Variants in SGCZ observed in about 807,000 individuals in gnomAD.
SGCZ encodes sarcoglycan zeta.
A neutral mutation model predicts 41.3 loss-of-function variants in SGCZ; 40 were observed. The ratio of observed to expected loss-of-function variants is 0.97; its 90% CI spans 0.75 to 1.26. SGCZ has a LOEUF of 1.26. Among genes scored for constraint, SGCZ ranks in the 50% most tolerant of loss-of-function variants. The probability of loss-of-function intolerance (pLI) is 0.00; values close to 1 mark genes in which losing one functional copy is unlikely to be tolerated. For synonymous variants in SGCZ, 206 were observed against 137.5 expected (o/e 1.50, Z -3.49); for missense variants, 552 against 369.8 (o/e 1.49, Z -4.04).
At chr8:14,672,060 G>C (rs766107559) in intron 1 of SGCZ, among the ~76,000 whole-genome samples, 1 of 152,064 alleles carries the variant, frequency 6.6e-6, no homozygotes, top group Non-Finnish European at 1.5e-5. Flanking sequence ...AAGTTATTAG[G>C]ACTCATTTCA....
At chr8:14,111,768 G>A (rs1412996954) in intron 5 of SGCZ, among the ~76,000 whole-genome samples, 1 of 152,164 alleles carries the variant, frequency 6.6e-6, no homozygotes, top group Non-Finnish European at 1.5e-5. Flanking sequence ...CTGCAGGAAA[G>A]AATAAGGATG....
chr8:14,860,039 C>T (rs923762273), intron 1 of SGCZ, among the ~76,000 whole-genome samples: 1 of 152,050 alleles, frequency 6.6e-6, no homozygotes, highest in African/African-American at 2.4e-5. Flanking sequence ...ATCAAGGAAT[C>T]AGCGTTCCCA....
chr8:15,168,713 G>A (rs899573991), intron 1 of SGCZ, among the ~76,000 whole-genome samples: 11 of 152,070 alleles, frequency 7.2e-5, no homozygotes, highest in Admixed American at 2.0e-4. Flanking sequence ...TGAACCCCTG[G>A]GACTCCTTTG....
chr8:14,702,730 A>G (rs990041523), intron 1 of SGCZ, among the ~76,000 whole-genome samples: 4 of 74,566 alleles, frequency 5.4e-5, no homozygotes, highest in Non-Finnish European at 1.0e-4. Context: ...GCTGGCTTCA[A>G]TGATAGATAG....
At chr8:14,462,609 T>C (rs1054926683) in intron 2 of SGCZ, among the ~76,000 whole-genome samples, 7 of 152,048 alleles carry the variant, frequency 4.6e-5, no homozygotes, top group African/African-American at 1.7e-4. Context: ...ACCACACTAT[T>C]GATTACTGTA....
chr8:14,891,941 T>C (rs2130743653), intron 1 of SGCZ, among the ~76,000 whole-genome samples: 1 of 152,316 alleles, frequency 6.6e-6, no homozygotes, highest in African/African-American at 2.4e-5. Flanking sequence ...TATGTATATG[T>C]TTAGACATAA....
intron 1 of SGCZ, among the ~76,000 whole-genome samples, chr8:15,081,090 G>A (rs1044441371): frequency 2.0e-5 from 3 of 152,052 alleles, no homozygotes; most frequent in Admixed American, 6.6e-5. Context: ...GTTATTGAAC[G>A]CAGCCAGCGC....
chr8:15,015,726 C>CGT (rs60624490), intron 1 of SGCZ, among the ~76,000 whole-genome samples: 1,966 of 125,142 alleles, frequency 0.016, 16 homozygotes, highest in Middle Eastern at 0.026. Context: ...GAAATATACA[C>CGT]GTGTGTGTGT....
At chr8:15,045,465 T>C (rs1804269274) in intron 1 of SGCZ, among the ~76,000 whole-genome samples, 2 of 152,102 alleles carry the variant, frequency 1.3e-5, no homozygotes, top group South Asian at 4.1e-4. Context: ...TTTGTATACA[T>C]GTTTCAATCA....
intron 3 of SGCZ, among the ~76,000 whole-genome samples, chr8:14,272,811 T>C (rs1313239951): frequency 1.3e-5 from 2 of 152,180 alleles, no homozygotes; most frequent in Non-Finnish European, 1.5e-5. Context: ...AAAACTAAAA[T>C]ATCAATTAAA....
chr8:14,615,385 T>C (rs951921627), intron 1 of SGCZ, among the ~76,000 whole-genome samples: 2 of 152,232 alleles, frequency 1.3e-5, no homozygotes, highest in Non-Finnish European at 2.9e-5. Context: ...CTCCTGTATC[T>C]GGCCCATAAA....
At chr8:15,067,592 T>C (rs901238868) in intron 1 of SGCZ, among the ~76,000 whole-genome samples, 31 of 151,978 alleles carry the variant, frequency 2.0e-4, no homozygotes, top group African/African-American at 7.5e-4. Context: ...TGTTGCCAAA[T>C]CATCTTTTAA....
chr8:14,680,176 T>C (rs1261012547), intron 1 of SGCZ, among the ~76,000 whole-genome samples: 1 of 152,062 alleles, frequency 6.6e-6, no homozygotes, highest in Non-Finnish European at 1.5e-5. Context: ...AAAAGTACAG[T>C]GGTTGCAAGA....
rs1044911854 is a variant in SGCZ, at chr8:14,089,722, A to G, written c.*721T>C. On this transcript the variant is annotated 3_prime_UTR_variant, in exon 8 of 8. Transcript: ENST00000382080. The stretch of plus-strand genomic sequence containing the variant: ...TACTATATAAGGCCATCCAGATCTG[A>G]CCAATGACATTATAATGGCATTTTG... 1 of 152,002 alleles carries G rather than the reference A, an allele frequency of 6.6e-6. No homozygotes were observed. The highest frequency in any genetic ancestry group is 1.5e-5 in the Non-Finnish European group (1 of 67,968). The allele number at this position is 152,002 out of a possible 1,614,324, so 9.4% of individuals were successfully genotyped here. A position where few individuals can be genotyped will look rare whatever the true frequency, so the allele number is the denominator to read the frequency against.
chr8:14,309,494 A>G (rs1801456857), intron 3 of SGCZ: 4 of 1,608,146 alleles, frequency 2.5e-6, no homozygotes, highest in Non-Finnish European at 3.4e-6. Context: ...TGTTAGAGCT[A>G]ATTGTGATAA....
chr8:14,850,925 G>T (rs946898516), intron 1 of SGCZ, among the ~76,000 whole-genome samples: 5 of 152,094 alleles, frequency 3.3e-5, no homozygotes, highest in African/African-American at 1.2e-4. Flanking sequence ...CACCTCTCCA[G>T]CCGTACTGTG....
chr8:14,900,754 G>A (rs1468869644), intron 1 of SGCZ, among the ~76,000 whole-genome samples: 1 of 152,176 alleles, frequency 6.6e-6, no homozygotes, highest in Non-Finnish European at 1.5e-5. Context: ...AGATAAAGAT[G>A]CAAATTGCAT....
At chr8:15,216,114 G>T (rs1801390819) in intron 1 of SGCZ, among the ~76,000 whole-genome samples, 1 of 151,928 alleles carries the variant, frequency 6.6e-6, no homozygotes, top group Non-Finnish European at 1.5e-5. Flanking sequence ...ATTAACATCT[G>T]CCAGAGCCAC....
chr8:14,967,888 C>G (rs1304078492), intron 1 of SGCZ, among the ~76,000 whole-genome samples: 1 of 152,160 alleles, frequency 6.6e-6, no homozygotes, highest in African/African-American at 2.4e-5. Flanking sequence ...CCGAGGTGAA[C>G]AGCCCTACTC....
Sources: allele counts gnomAD v4.1 joint callset (sites outside exome capture counted in the v4.1 genomes callset), GRCh38; gene constraint gnomAD v4.1.1; transcripts MANE v1.5; gene names NCBI Gene and HGNC (gene_info 2026-07-23, HGNC 2026-07-21).